Variants in HCN1 observed in about 807,000 individuals in gnomAD.
HCN1 encodes the protein hyperpolarization activated cyclic nucleotide gated potassium channel 1.
A neutral mutation model predicts 78.9 loss-of-function variants in HCN1; 13 were observed. The ratio of observed to expected loss-of-function variants is 0.16; its 90% CI spans 0.11 to 0.26. The LOEUF (loss-of-function observed/expected upper bound fraction) is 0.26. Among genes scored for constraint, HCN1 ranks in the 10% least tolerant of loss-of-function variants. The pLI, the probability that HCN1 is intolerant of heterozygous loss-of-function variation, is 1.00. For missense variants in HCN1, 810 were observed against 1,154.3 expected (o/e 0.70, Z 4.32); for synonymous variants, 552 against 455.5 (o/e 1.21, Z -2.70).
At chr5:45,373,452 T>A (rs550988102) in intron 4 of HCN1, among the ~76,000 whole-genome samples, 7 of 138,198 alleles carry the variant, frequency 5.1e-5, no homozygotes, top group Non-Finnish European at 9.2e-5. Flanking sequence ...ATCTATAATT[T>A]ATATTATATA....
chr5:45,430,396 A>G (rs1740437661), intron 3 of HCN1, among the ~76,000 whole-genome samples: 2 of 151,782 alleles, frequency 1.3e-5, no homozygotes, highest in Admixed American at 1.3e-4. Flanking sequence ...GGTAATCAGC[A>G]TAATAACAGA....
At chr5:45,367,124 G>A (rs1747253645) in intron 4 of HCN1, among the ~76,000 whole-genome samples, 1 of 151,758 alleles carries the variant, frequency 6.6e-6, no homozygotes, top group Admixed American at 6.6e-5. Flanking sequence ...AGAAGAAAGT[G>A]CAAAGTGTTG....
intron 6 of HCN1, among the ~76,000 whole-genome samples, chr5:45,290,982 C>T (rs938590666): frequency 1.3e-5 from 2 of 152,006 alleles, no homozygotes; most frequent in African/African-American, 4.8e-5. Flanking sequence ...TAGGCATATA[C>T]TCATTGTGTC....
intron 5 of HCN1, among the ~76,000 whole-genome samples, chr5:45,325,761 C>A (rs1391938671): frequency 6.6e-6 from 1 of 151,518 alleles, no homozygotes; most frequent in African/African-American, 2.4e-5. Context: ...AAGTTCAGCA[C>A]CTGCTTCAAT....
intron 1 of HCN1, among the ~76,000 whole-genome samples, chr5:45,689,320 TC>T (rs1308984321): frequency 6.6e-6 from 1 of 152,024 alleles, no homozygotes; most frequent in Non-Finnish European, 1.5e-5. Context: ...AAATGAAGCC[TC>T]TAAGAAAGTT....
chr5:45,546,258 C>T (rs1743224964), intron 2 of HCN1, among the ~76,000 whole-genome samples: 2 of 151,886 alleles, frequency 1.3e-5, no homozygotes, highest in Non-Finnish European at 2.9e-5. Context: ...AATTGGCCTA[C>T]TGATACATAA....
chr5:45,425,854 G>A lies in HCN1; in HGVS notation c.1012-29144C>T, dbSNP rs188611988. Among the ~76,000 whole-genome samples, 61 of 152,226 alleles carry A rather than the reference G, an allele frequency of 4.0e-4. 1 individual carries two copies. In the East Asian group the frequency reaches 6.8e-3, roughly 17 times the overall value. On this transcript the variant is annotated intron_variant, in intron 3 of 7. Transcript: ENST00000303230. ...GCTGGCAGATTAACTAAGGGATTTCGTTTGTAACCTAAATATGAAATAATA... is the reference window on the plus strand; with the variant it reads ...GCTGGCAGATTAACTAAGGGATTTCATTTGTAACCTAAATATGAAATAATA...
In HCN1 at chr5:45,375,337, CAA is replaced by C. The variant is rs1491225876; in HGVS notation, c.1230+21153_1230+21154del. 1.2e-3 allele frequency among the ~76,000 whole-genome samples: 140 copies of C among 118,102 alleles called. 4 individuals are homozygous for C. In the South Asian group the frequency reaches 0.02, roughly 17 times the overall value. 77.5% of individuals were successfully genotyped at this position (118,102 alleles called of 152,430 possible). A position where few individuals can be genotyped will look rare whatever the true frequency, so the allele number is the denominator to read the frequency against. ...ATATAATATAATATTTTATGATATA[CAA>C]TATATATAATATAATATTTTATGAT... On this transcript the variant is annotated intron_variant, in intron 4 of 7. Transcript: ENST00000303230.
rs369147696 is a variant in HCN1 at position 45,283,981 on chromosome 5, G to A, written c.1619-16728C>T. On this transcript the variant is annotated intron_variant, in intron 6 of 7. Transcript: ENST00000303230. ...CAGCCACAGAAAAGAATGAGATCCT[G>A]TCTTTTGTGGGAACACAGATGGAGC... Among the ~76,000 whole-genome samples, 132 of 152,258 alleles carry A rather than the reference G, an allele frequency of 8.7e-4. 1 individual carries two copies. The South Asian group carries it at 0.018, about 21-fold the overall frequency.
At chr5:45,627,588 T>A (rs552620907) in intron 2 of HCN1, among the ~76,000 whole-genome samples, 1 of 152,164 alleles carries the variant, frequency 6.6e-6, no homozygotes, top group Non-Finnish European at 1.5e-5. Context: ...AGATGGCAAA[T>A]TTTTAAGTCA....
intron 1 of HCN1, among the ~76,000 whole-genome samples, chr5:45,676,341 C>T (rs1001034874): frequency 1.3e-5 from 2 of 151,562 alleles, no homozygotes; most frequent in Admixed American, 6.6e-5. Flanking sequence ...TATGCATAAG[C>T]AAATCTATAT....
At chr5:45,386,601 A>T (rs1238740536) in intron 4 of HCN1, among the ~76,000 whole-genome samples, 2 of 152,158 alleles carry the variant, frequency 1.3e-5, no homozygotes, top group Non-Finnish European at 2.9e-5. Context: ...GCTCATTATT[A>T]CTAGCAATCT....
chr5:45,311,146 G>A (rs1242242020), intron 5 of HCN1, among the ~76,000 whole-genome samples: 2 of 152,004 alleles, frequency 1.3e-5, no homozygotes, highest in Non-Finnish European at 2.9e-5. Context: ...TGCACATCCT[G>A]CACATGCACC....
intron 4 of HCN1, among the ~76,000 whole-genome samples, chr5:45,372,567 T>C (rs1277727428): frequency 8.0e-6 from 1 of 124,900 alleles, no homozygotes; most frequent in Non-Finnish European, 1.6e-5. Flanking sequence ...AACATTTACA[T>C]ATAAAAATAT....
At chr5:45,631,145 T>A (rs887573642) in intron 2 of HCN1, among the ~76,000 whole-genome samples, 2 of 152,158 alleles carry the variant, frequency 1.3e-5, no homozygotes, top group African/African-American at 4.8e-5. Context: ...ACAGGCCTAC[T>A]TGGTGATCCG....
intron 4 of HCN1, among the ~76,000 whole-genome samples, chr5:45,376,456 A>G (rs577169947): frequency 2.0e-5 from 3 of 149,798 alleles, no homozygotes; most frequent in South Asian, 4.2e-4. Flanking sequence ...TGCCCTCATC[A>G]GACACCAGAT....
chr5:45,454,861 C>CT (rs551864912), intron 3 of HCN1, among the ~76,000 whole-genome samples: 15 of 152,094 alleles, frequency 9.9e-5, no homozygotes, highest in Non-Finnish European at 1.3e-4. Flanking sequence ...ATTCTCATTG[C>CT]TTTTTTTCCA....
chr5:45,395,688 A>G (rs1739672495), intron 4 of HCN1, among the ~76,000 whole-genome samples: 1 of 152,200 alleles, frequency 6.6e-6, no homozygotes, highest in Admixed American at 6.5e-5. Context: ...GGCAAGGTGC[A>G]TGACTCTGTC....
intron 3 of HCN1, among the ~76,000 whole-genome samples, chr5:45,401,397 C>A (rs370203113): frequency 1.3e-5 from 2 of 152,042 alleles, no homozygotes; most frequent in African/African-American, 4.8e-5. Flanking sequence ...GGTATCACCC[C>A]TTTAACTGAT....
Sources: allele counts gnomAD v4.1 joint callset (sites outside exome capture counted in the v4.1 genomes callset), GRCh38; gene constraint gnomAD v4.1.1; transcripts MANE v1.5; gene names NCBI Gene and HGNC (gene_info 2026-07-23, HGNC 2026-07-21).